FYB2: variants seen among roughly 807,000 people sequenced by gnomAD.
The protein encoded by FYB2 is FYN-binding protein 2.
A neutral mutation model predicts 94.1 loss-of-function variants in FYB2; 103 were observed. That is an observed-to-expected ratio of 1.09 (90% CI 0.93 to 1.29). The LOEUF is 1.29. FYB2 is among the 50% of genes most tolerant of loss of function. FYB2 has a pLI of 0.00. For synonymous variants in FYB2, 293 were observed against 287.9 expected (o/e 1.02, Z -0.18); for missense variants, 896 against 841.5 (o/e 1.06, Z -0.80).
chr1:56,761,950 C>A lies in FYB2; in HGVS notation c.1064-3200G>T, dbSNP rs533603218. 1.9e-3 allele frequency: 289 copies of A among 152,210 alleles called. 1 individual carries two copies. Among genetic ancestry groups the A allele is most frequent in the African/African-American group, 6.8e-3 (281 of 41,540 alleles). 9.4% of individuals were successfully genotyped at this position (152,210 alleles called of 1,614,324 possible). ...AAAGTTTATTTTCGTTTACCTATGG[C>A]AATTGGTCCAACACCATTTTTTAAA... On this transcript the variant is annotated intron_variant, in intron 5 of 19. Transcript: ENST00000343433.
At chr1:56,732,609 A>T (rs1251349128) in intron 15 of FYB2, among the ~76,000 whole-genome samples, 1 of 152,178 alleles carries the variant, frequency 6.6e-6, no homozygotes, top group African/African-American at 2.4e-5. Context: ...TCAAAACAGC[A>T]CAGTGTTGGC....
chr1:56,773,505 G>A (rs1645808413), intron 4 of FYB2, among the ~76,000 whole-genome samples: 1 of 152,170 alleles, frequency 6.6e-6, no homozygotes, highest in Non-Finnish European at 1.5e-5. Context: ...TAGGTTCTCA[G>A]AGCCTTCATT....
intron 1 of FYB2, among the ~76,000 whole-genome samples, chr1:56,805,440 T>TGTGTATGTTGTC (rs1270037785): frequency 1.3e-5 from 2 of 152,176 alleles, no homozygotes; most frequent in Admixed American, 6.5e-5. Context: ...CATAGCAGCT[T>TGTGTATGTTGTC]GTGTATGTTG....
intron 3 of FYB2, among the ~76,000 whole-genome samples, chr1:56,788,371 G>T (rs1431191902): frequency 6.6e-6 from 1 of 152,172 alleles, no homozygotes; most frequent in East Asian, 1.9e-4. Context: ...ATAAGCTAAG[G>T]CATTTAAAAT....
chr1:56,742,060 G>A (rs1212308700), intron 12 of FYB2, 101 bp downstream of exon 12: 1 of 931,292 alleles, frequency 1.1e-6, no homozygotes, highest in Non-Finnish European at 1.7e-6. Flanking sequence ...GGGGGTGGCA[G>A]TGGGGCTGGG....
chr1:56,726,750 A>C (rs1644592412), intron 15 of FYB2, among the ~76,000 whole-genome samples, 167 bp from the exon 16 acceptor site: 1 of 152,122 alleles, frequency 6.6e-6, no homozygotes, highest in South Asian at 2.1e-4. Flanking sequence ...TAGGCTTTGC[A>C]GGCCATATTA....
At chr1:56,777,239 CAAAAAAAAAAAAAAAAA>C (rs1453236717) in intron 4 of FYB2, among the ~76,000 whole-genome samples, 2 of 4,798 alleles carry the variant, frequency 4.2e-4, no homozygotes, top group Admixed American at 5.2e-3. Context: ...GTCTCAAAAA[CAAAAAAAAAAAAAAAAA>C]AAAAAAAAAA....
chr1:56,735,161 T>G (rs1378301763), intron 15 of FYB2, among the ~76,000 whole-genome samples: 1 of 152,138 alleles, frequency 6.6e-6, no homozygotes. Flanking sequence ...TATGCTCCCA[T>G]GTTTATTGCA....
At chr1:56,722,080 A>G (rs1644497152) in intron 17 of FYB2, among the ~76,000 whole-genome samples, 1 of 152,096 alleles carries the variant, frequency 6.6e-6, no homozygotes, top group Non-Finnish European at 1.5e-5. Context: ...CAGAGGTGGA[A>G]AAAAGGATTG....
At chr1:56,732,938 C>T (rs1413319463) in intron 15 of FYB2, among the ~76,000 whole-genome samples, 1 of 151,942 alleles carries the variant, frequency 6.6e-6, no homozygotes, top group African/African-American at 2.4e-5. Flanking sequence ...GGTTTTATGA[C>T]TAAGACCTCA....
chr1:56,803,918 C>A (rs151220843), intron 1 of FYB2, among the ~76,000 whole-genome samples: 1 of 152,336 alleles, frequency 6.6e-6, no homozygotes, highest in African/African-American at 2.4e-5. Flanking sequence ...AGCTTAACCT[C>A]TTTCTCCTCA....
At chr1:56,736,742 T>C (rs1373934462) in intron 15 of FYB2, among the ~76,000 whole-genome samples, 1 of 152,146 alleles carries the variant, frequency 6.6e-6, no homozygotes, top group Non-Finnish European at 1.5e-5. Context: ...TATAGTTATT[T>C]AGTCCTTGAA....
At chr1:56,774,511 C>A (rs894349052) in intron 4 of FYB2, among the ~76,000 whole-genome samples, 7 of 151,878 alleles carry the variant, frequency 4.6e-5, no homozygotes, top group African/African-American at 1.7e-4. Flanking sequence ...TACCATTTTA[C>A]AGAACACACA....
Position 56,767,882 on chromosome 1 carries a change from A to G in FYB2, c.1010T>C (p.Leu337Pro). Residue 337 changes from leucine to proline, a missense_variant, in exon 5 of 20, where the codon CTG (leucine) becomes CCG (proline). By Grantham distance (98) the Leu-to-Pro change is moderately conservative (BLOSUM62 -3). Transcript: ENST00000343433. ...GTTAATGGAGTTGCCAGAGTGTCTCAGATATGAAATTGTTGCCTCGTAATT... is the reference window on the plus strand; with the variant it reads ...GTTAATGGAGTTGCCAGAGTGTCTCGGATATGAAATTGTTGCCTCGTAATT... ...PHNYEATISY[L>P]RHSGNSINLC... is the part of the protein sequence containing the mutation. 1.2e-6 allele frequency: 2 copies of G among 1,612,422 alleles called. No individual in the cohort carries two copies. The highest frequency in any genetic ancestry group is 1.7e-6 in the Non-Finnish European group (2 of 1,179,448).
intron 6 of FYB2, among the ~76,000 whole-genome samples, 160 bp downstream of exon 6, chr1:56,758,556 C>G (rs1018209861): frequency 2.0e-5 from 3 of 152,118 alleles, no homozygotes; most frequent in Non-Finnish European, 4.4e-5. Context: ...TAACAGGGCT[C>G]AAAGTGCAGA....
chr1:56,767,957 C>T lies in FYB2; in HGVS notation c.954-19G>A, dbSNP rs752635822. 6 of 1,503,278 alleles carry T rather than the reference C, an allele frequency of 4.0e-6. No homozygotes were observed. Among genetic ancestry groups the T allele is most frequent in the African/African-American group, 1.4e-5 (1 of 70,646 alleles). 93.1% of individuals were successfully genotyped at this position (1,503,278 alleles called of 1,614,324 possible). On this transcript the variant is annotated intron_variant, in intron 4 of 19. Transcript: ENST00000343433. The stretch of plus-strand genomic sequence containing the variant: ...GAAAAGCCTGGAGAAAAAAGGGTTA[C>T]TTAAAATGTAACATTTTTAAAAACA...
At chr1:56,726,379 C>T (rs762228036) in intron 16 of FYB2, 118 bp downstream of exon 16, 81 of 865,122 alleles carry the variant, frequency 9.4e-5, no homozygotes, top group Non-Finnish European at 1.3e-4. Context: ...TTGTTATTCT[C>T]ATCTTGTAGA....
intron 12 of FYB2, among the ~76,000 whole-genome samples, chr1:56,741,378 G>T (rs1644949055): frequency 6.6e-6 from 1 of 152,022 alleles, no homozygotes; most frequent in African/African-American, 2.4e-5. Flanking sequence ...AACTGTGCTA[G>T]AAATACGTTA....
chr1:56,779,691 A>G (rs1045717611), intron 4 of FYB2, among the ~76,000 whole-genome samples: 2 of 152,180 alleles, frequency 1.3e-5, no homozygotes, highest in East Asian at 3.9e-4. Context: ...CCACTGGCCC[A>G]TCACTCAGTC....
Sources: gnomAD v4.1 joint callset for allele counts (sites outside exome capture counted in the v4.1 genomes callset) on GRCh38, gnomAD v4.1.1 for gene constraint, MANE v1.5 for transcripts, NCBI Gene and HGNC (gene_info 2026-07-23, HGNC 2026-07-21) for gene names.